RIC1: variants seen among roughly 807,000 people sequenced by gnomAD.
RIC1 encodes guanine nucleotide exchange factor subunit RIC1.
RIC1 carries 88 observed loss-of-function variants against 169.0 expected under a neutral mutation model. The observed-to-expected ratio is 0.52, with a 90% confidence interval of 0.44 to 0.62. The LOEUF is 0.62. Among genes scored for constraint, RIC1 ranks in the 20% least tolerant of loss-of-function variants. The probability of loss-of-function intolerance (pLI) is 0.00; values close to 1 mark genes in which losing one functional copy is unlikely to be tolerated. For missense variants in RIC1, 1,877 were observed against 1,725.5 expected, an observed-to-expected ratio of 1.09 and a Z score of -1.56; for synonymous variants, 790 against 601.5, an observed-to-expected ratio of 1.31 and a Z score of -4.59.
chr9:5,700,063 C>T (rs10975250), intron 3 of RIC1, among the ~76,000 whole-genome samples: 2 of 148,948 alleles, frequency 1.3e-5, no homozygotes, highest in Non-Finnish European at 3.0e-5. Flanking sequence ...TCAGGGTCAT[C>T]GTTCCATGGG....
chr9:5,630,375 G>A (rs1817661991), intron 1 of RIC1, among the ~76,000 whole-genome samples: 2 of 152,216 alleles, frequency 1.3e-5, no homozygotes, highest in Non-Finnish European at 1.5e-5. Context: ...ATGTCAGAGT[G>A]AAGTTTTTCT....
At chr9:5,675,198 A>T (rs1820367908) in intron 2 of RIC1, among the ~76,000 whole-genome samples, 1 of 152,078 alleles carries the variant, frequency 6.6e-6, no homozygotes, top group African/African-American at 2.4e-5. Context: ...ATTTAAAGAG[A>T]GTGACTGGGC....
intron 2 of RIC1, among the ~76,000 whole-genome samples, chr9:5,668,314 C>G (rs1047327651): frequency 2.0e-5 from 3 of 152,124 alleles, no homozygotes; most frequent in African/African-American, 7.2e-5. Flanking sequence ...CTGAGGAACC[C>G]TTATATTTGA....
At chr9:5,755,217 A>G (rs553100330) in intron 15 of RIC1, among the ~76,000 whole-genome samples, 8 of 152,322 alleles carry the variant, frequency 5.3e-5, no homozygotes, top group East Asian at 3.9e-4. Flanking sequence ...ATTTCATGAT[A>G]TAAGAATGGC....
At chr9:5,681,630 G>T (rs1166529435) in intron 2 of RIC1, among the ~76,000 whole-genome samples, 1 of 152,190 alleles carries the variant, frequency 6.6e-6, no homozygotes, top group Non-Finnish European at 1.5e-5. Context: ...TTGATTTGGG[G>T]TGGAGAGTTC....
chr9:5,749,027 T>C lies in RIC1; in HGVS notation c.1452+1522T>C, dbSNP rs115691315. ...TGCTGAAACAATGAAAATGGGCTCA[T>C]AGAATTTTTCAAGCTGGAAGGACCT... On this transcript the variant is annotated intron_variant, in intron 12 of 25. Transcript: ENST00000414202. 4.3e-3 allele frequency among the ~76,000 whole-genome samples: 649 copies of C among 152,268 alleles called. 2 individuals carry two copies. Among genetic ancestry groups the C allele is most frequent in the African/African-American group, 0.015 (633 of 41,564 alleles).
intron 6 of RIC1, among the ~76,000 whole-genome samples, chr9:5,726,255 T>A (rs1266002251): frequency 1.3e-5 from 2 of 152,230 alleles, no homozygotes. Flanking sequence ...GGTGCATATA[T>A]ATTTAGGATA....
chr9:5,642,136 C>T (rs903147662), intron 1 of RIC1, among the ~76,000 whole-genome samples: 1 of 145,214 alleles, frequency 6.9e-6, no homozygotes, highest in African/African-American at 2.8e-5. Context: ...TTTTTGCAGA[C>T]TCAGAGGTAC....
chr9:5,688,084 C>G (rs190593394), intron 2 of RIC1, among the ~76,000 whole-genome samples: 6 of 152,306 alleles, frequency 3.9e-5, no homozygotes, highest in Admixed American at 6.5e-5. Context: ...ACCTTTGGAA[C>G]ATACAGAATA....
chr9:5,719,246 T>G (rs1399140155), intron 4 of RIC1: 4 of 152,242 alleles, frequency 2.6e-5, no homozygotes, highest in African/African-American at 9.6e-5. Context: ...CCTCTAACCC[T>G]TTCCCTCTTC....
At chr9:5,734,472 A>C (rs1824572131) in intron 7 of RIC1, among the ~76,000 whole-genome samples, 1 of 151,982 alleles carries the variant, frequency 6.6e-6, no homozygotes, top group Non-Finnish European at 1.5e-5. Context: ...GGCAAGTTGC[A>C]TTTTTTCCAG....
At chr9:5,693,020 A>G (rs1360162189) in intron 3 of RIC1, among the ~76,000 whole-genome samples, 6 of 152,100 alleles carry the variant, frequency 3.9e-5, no homozygotes, top group Non-Finnish European at 7.4e-5. Flanking sequence ...AGTCTGTGCT[A>G]TTAATCAGTA....
At chr9:5,660,278 C>T (rs911516691) in intron 2 of RIC1, among the ~76,000 whole-genome samples, 2 of 152,086 alleles carry the variant, frequency 1.3e-5, no homozygotes, top group Non-Finnish European at 2.9e-5. Context: ...AGGTTGATTC[C>T]ATGTCTTTGC....
intron 3 of RIC1, among the ~76,000 whole-genome samples, chr9:5,702,837 G>T (rs1822316896): frequency 6.6e-6 from 1 of 152,126 alleles, no homozygotes; most frequent in Non-Finnish European, 1.5e-5. Context: ...GTGAGCCACT[G>T]CATGCAACTG....
chr9:5,737,210 G>A (rs541662295), intron 7 of RIC1, among the ~76,000 whole-genome samples: 2 of 152,016 alleles, frequency 1.3e-5, no homozygotes, highest in East Asian at 1.9e-4. Context: ...TGTTATCCTC[G>A]TAGTTCAATT....
At chr9:5,762,417 T>C in intron 17 of RIC1, 124 bp from the exon 18 acceptor site, 1 of 1,217,356 alleles carries the variant, frequency 8.2e-7, no homozygotes, top group Non-Finnish European at 1.1e-6. Flanking sequence ...AGAATGGCTG[T>C]ACATAGTACA....
chr9:5,716,474 G>T (rs1391076915), intron 4 of RIC1, among the ~76,000 whole-genome samples: 1 of 152,192 alleles, frequency 6.6e-6, no homozygotes, highest in South Asian at 2.1e-4. Flanking sequence ...TTAGCTGGGT[G>T]TGGTGGCACA....
Position 5,769,255 on chromosome 9 carries a change from T to G in RIC1, c.3423T>G (p.Thr1141=), listed in dbSNP as rs1160690063. ...CTTTCAAAAATGGAAAATACCGAAC[T>G]GGTAATGTAGACTTCATGTCACTTG... is the stretch of plus-strand genomic sequence containing the variant. ...SSPFKNGKYR[T]VGEQLLKSQS... The change falls in exon 22 of 26, where the codon ACT becomes ACG. Residue 1141 remains threonine, a splice_region_variant and synonymous_variant. Transcript: ENST00000414202. The G allele has an allele frequency of 2.5e-6, 4 of 1,614,054 alleles. No homozygotes were observed. The highest frequency in any genetic ancestry group is 3.4e-6 in the Non-Finnish European group (4 of 1,179,894).
intron 3 of RIC1, among the ~76,000 whole-genome samples, chr9:5,691,599 G>T (rs912455921): frequency 6.6e-6 from 1 of 151,778 alleles, no homozygotes; most frequent in African/African-American, 2.4e-5. Flanking sequence ...TTTAAATTCA[G>T]TTTTATGGGT....
Sources: gnomAD v4.1 joint callset for allele counts (sites outside exome capture counted in the v4.1 genomes callset) on GRCh38, gnomAD v4.1.1 for gene constraint, MANE v1.5 for transcripts, NCBI Gene and HGNC (gene_info 2026-07-23, HGNC 2026-07-21) for gene names.